Variants in OSBPL3 observed in about 807,000 individuals in gnomAD.
OSBPL3 encodes the protein oxysterol binding protein like 3.
A neutral mutation model predicts 120.1 loss-of-function variants in OSBPL3; 65 were observed. That is an observed-to-expected ratio of 0.54 (90% CI 0.44 to 0.67). The LOEUF is 0.67. OSBPL3 is among the 30% of genes least tolerant of loss of function. The pLI is 0.00. For synonymous variants in OSBPL3, 416 were observed against 402.6 expected (o/e 1.03, Z -0.40); for missense variants, 1,004 against 1,082.1 (o/e 0.93, Z 1.01).
rs745834591 is a variant in OSBPL3 at position 24,802,676 on chromosome 7, C to T, written c.2567+1639G>A. ...CTAGTCCTTGAGACAGTTTGGTTAC[C>T]TACCATTTTTAATGATCCTAAAAAG... On this transcript the variant is annotated intron_variant, in intron 22 of 22. Coordinates refer to ENST00000313367, the MANE Select transcript of OSBPL3 (RefSeq NM_015550.4). This position sits in a 1 kb window ranked among gnomAD's most constrained non-coding sequence, Gnocchi z 4.1. Among the ~76,000 whole-genome samples, 11 of 152,074 alleles carry T rather than the reference C, an allele frequency of 7.2e-5. No homozygotes were observed. Among genetic ancestry groups the T allele is most frequent in the Non-Finnish European group, 1.6e-4 (11 of 68,010 alleles).
At chr7:24,895,680 G>A (rs985674485) in intron 1 of OSBPL3, among the ~76,000 whole-genome samples, 5 of 152,082 alleles carry the variant, frequency 3.3e-5, no homozygotes, top group Non-Finnish European at 5.9e-5. Context: ...AGGAGGCCTC[G>A]GCAGGATGGT....
chr7:24,942,462 T>TCC (rs5882957), intron 1 of OSBPL3, among the ~76,000 whole-genome samples: 125,360 of 151,990 alleles, frequency 0.82, 52,262 homozygotes, highest in African/African-American at 0.93. Flanking sequence ...CTCTTCTCTG[T>TCC]CATGGTAATC....
At position 24,980,112 on chromosome 7, in the gene OSBPL3, C is replaced by G; in HGVS notation, c.-376G>C. On this transcript the variant is annotated 5_prime_UTR_variant, in exon 1 of 23. Coordinates refer to ENST00000313367, the MANE Select transcript of OSBPL3 (RefSeq NM_015550.4). ...CGGCCGCGAAGCGCTCAAGTCCCCT[C>G]TCCCGGGCCGGCTGGCGGGCGCCAC... 2.1e-6 allele frequency: 2 copies of G among 946,660 alleles called. No homozygotes were observed. Among genetic ancestry groups the G allele is most frequent in the African/African-American group, 1.8e-5 (1 of 56,590 alleles). 58.6% of individuals were successfully genotyped at this position (946,660 alleles called of 1,614,324 possible). A position where few individuals can be genotyped will look rare whatever the true frequency, so the allele number is the denominator to read the frequency against.
rs960117894 is a variant in OSBPL3 at position 24,899,013 on chromosome 7, T to A, written c.-149-6392A>T. 6.6e-6 allele frequency among the ~76,000 whole-genome samples: 1 copy of A among 152,046 alleles called. No individual in the cohort carries two copies. The highest frequency in any genetic ancestry group is 2.4e-5 in the African/African-American group (1 of 41,358). ...GTAACTACATAGAACAAGACAGAAC[T>A]TTTTTTTAACCATAACCTGCACTGA... is the stretch of plus-strand genomic sequence containing the variant. On this transcript the variant is annotated intron_variant, in intron 1 of 22. Transcript: ENST00000313367. This position sits in a 1 kb window ranked among gnomAD's most constrained non-coding sequence, Gnocchi z 4.0.
chr7:24,839,583 A>G (rs989665344), intron 14 of OSBPL3, among the ~76,000 whole-genome samples: 1 of 152,232 alleles, frequency 6.6e-6, no homozygotes, highest in Admixed American at 6.5e-5. Context: ...CACCTGGATC[A>G]TATCTTTTAT....
At chr7:24,960,173 G>A (rs1396639168) in intron 1 of OSBPL3, among the ~76,000 whole-genome samples, 1 of 152,162 alleles carries the variant, frequency 6.6e-6, no homozygotes, top group African/African-American at 2.4e-5. Context: ...AAGAGAGTGT[G>A]AGAGTACCAC....
intron 15 of OSBPL3, among the ~76,000 whole-genome samples, chr7:24,832,765 G>A (rs973189818): frequency 2.6e-5 from 4 of 152,198 alleles, no homozygotes; most frequent in East Asian, 1.9e-4. Context: ...AAGACAGAGC[G>A]AAGGGGAGGC....
At chr7:24,979,823 C>T (rs553052418) in intron 1 of OSBPL3, 63 bp downstream of exon 1, 12 of 686,488 alleles carry the variant, frequency 1.7e-5, no homozygotes, top group African/African-American at 4.0e-5. Context: ...CCCTTCCGAG[C>T]CCGCGCCGCC....
intron 2 of OSBPL3, among the ~76,000 whole-genome samples, chr7:24,885,675 G>A (rs1804417651): frequency 2.6e-5 from 4 of 152,174 alleles, no homozygotes; most frequent in African/African-American, 9.7e-5. Context: ...ACTGAATAGA[G>A]GCTGTGCTCT....
chr7:24,914,811 A>C (rs1473087486), intron 1 of OSBPL3, among the ~76,000 whole-genome samples: 5 of 152,158 alleles, frequency 3.3e-5, no homozygotes, highest in African/African-American at 1.2e-4. Flanking sequence ...CCCAATGTAA[A>C]CTTACAGGTA....
rs1195875712 is a variant in OSBPL3, at chr7:24,797,487, TTTTA to T, written c.*2692_*2695del. On this transcript the variant is annotated 3_prime_UTR_variant, in exon 23 of 23. Transcript: ENST00000313367. This position sits in a 1 kb window ranked among gnomAD's most constrained non-coding sequence, Gnocchi z 4.8. ...CTACATGGAGAAGCTGCATTGAGGCTTTTATTATTAATACCTATGACTCAAGGAA... is the reference window on the plus strand; with the variant it reads ...CTACATGGAGAAGCTGCATTGAGGCTTTATTAATACCTATGACTCAAGGAA... 1 of 152,126 alleles carries T rather than the reference TTTTA, an allele frequency of 6.6e-6. No individual in the cohort carries two copies. The highest frequency in any genetic ancestry group is 1.5e-5 in the Non-Finnish European group (1 of 68,038). The allele number at this position is 152,126 out of a possible 1,614,324, so 9.4% of individuals were successfully genotyped here. A position where few individuals can be genotyped will look rare whatever the true frequency, so the allele number is the denominator to read the frequency against.
At chr7:24,874,380 A>G (rs1802572592) in intron 2 of OSBPL3, among the ~76,000 whole-genome samples, 1 of 152,242 alleles carries the variant, frequency 6.6e-6, no homozygotes, top group Non-Finnish European at 1.5e-5. Flanking sequence ...CTAATACTAA[A>G]TAATCATACA....
At position 24,918,139 on chromosome 7, in the gene OSBPL3, C is replaced by T; in HGVS notation, c.-149-25518G>A. On this transcript the variant is annotated intron_variant, in intron 1 of 22. Coordinates refer to ENST00000313367, the MANE Select transcript of OSBPL3 (RefSeq NM_015550.4). This position sits in a 1 kb window ranked among gnomAD's most constrained non-coding sequence, Gnocchi z 4.3. ...AGGCTCACAGCAGCCAGTAATGACA[C>T]CTGGATACTCTTTGTTTACAGTTTC... The T allele has an allele frequency of 5.8e-6, 5 of 863,618 alleles. No homozygotes were observed. Among genetic ancestry groups the T allele is most frequent in the Non-Finnish European group, 7.0e-6 (5 of 718,916 alleles). 53.5% of individuals were successfully genotyped at this position (863,618 alleles called of 1,614,324 possible).
chr7:24,897,475 G>A lies in OSBPL3; in HGVS notation c.-149-4854C>T, dbSNP rs1051533738. ...CGAGTAGCTGGGACTACAGGCGCCC[G>A]CTACCACGCCCGGCTAATTTTTTGT... On this transcript the variant is annotated intron_variant, in intron 1 of 22. Coordinates refer to ENST00000313367, the MANE Select transcript of OSBPL3 (RefSeq NM_015550.4). Among the ~76,000 whole-genome samples, 15 of 151,468 alleles carry A rather than the reference G, an allele frequency of 9.9e-5. No individual in the cohort carries two copies. In the East Asian group the frequency reaches 2.5e-3, roughly 25 times the overall value.
At chr7:24,963,420 CA>C (rs1816010898) in intron 1 of OSBPL3, among the ~76,000 whole-genome samples, 1 of 152,200 alleles carries the variant, frequency 6.6e-6, no homozygotes, top group Non-Finnish European at 1.5e-5. Context: ...TTCACCATGA[CA>C]AAACACCATT....
intron 1 of OSBPL3, among the ~76,000 whole-genome samples, chr7:24,893,845 C>T: frequency 6.6e-6 from 1 of 152,150 alleles, no homozygotes; most frequent in East Asian, 1.9e-4. Flanking sequence ...CCTAGAATCA[C>T]TGGCTTCTCC....
intron 1 of OSBPL3, among the ~76,000 whole-genome samples, chr7:24,954,348 T>C (rs967534361): frequency 2.6e-5 from 4 of 152,334 alleles, no homozygotes; most frequent in Middle Eastern, 3.4e-3. Context: ...AGTCCCAAGG[T>C]AAGGTATCAG....
At chr7:24,906,078 A>G (rs1213168657) in intron 1 of OSBPL3, 1 of 153,520 alleles carries the variant, frequency 6.5e-6, no homozygotes, top group African/African-American at 2.4e-5. Flanking sequence ...GTGAAGCAGA[A>G]CAAGTAATAG....
chr7:24,834,288 C>T lies in OSBPL3; in HGVS notation c.1746+198G>A. On this transcript the variant is annotated intron_variant, in intron 15 of 22. Transcript: ENST00000313367. This position sits in a 1 kb window ranked among gnomAD's most constrained non-coding sequence, Gnocchi z 5.2. ...AAGTGCCACGGAGAAGCACCCCAAC[C>T]CCGTCTCCAAATCCTCACAAGGTGA... is the stretch of plus-strand genomic sequence containing the variant. 1 of 1,415,096 alleles carries T rather than the reference C, an allele frequency of 7.1e-7. No homozygotes were observed. The highest frequency in any genetic ancestry group is 2.7e-5 in the East Asian group (1 of 37,318). 87.7% of individuals were successfully genotyped at this position (1,415,096 alleles called of 1,614,324 possible). A position where few individuals can be genotyped will look rare whatever the true frequency, so the allele number is the denominator to read the frequency against.
Sources: gnomAD v4.1 joint callset for allele counts (sites outside exome capture counted in the v4.1 genomes callset) on GRCh38, gnomAD v4.1.1 for gene constraint, Gnocchi (gnomAD v3.1) non-coding constraint, MANE v1.5 for transcripts, NCBI Gene and HGNC (gene_info 2026-07-23, HGNC 2026-07-21) for gene names.